The following KDM4C variants were observed in gnomAD, a reference collection of about 807,000 sequenced individuals.
KDM4C encodes the protein lysine-specific demethylase 4C.
A neutral mutation model predicts 129.3 loss-of-function variants in KDM4C; 81 were observed. That is an observed-to-expected ratio of 0.63 (90% CI 0.52 to 0.75). The LOEUF is 0.75. KDM4C is among the 30% of genes least tolerant of loss of function. The pLI, the probability that KDM4C is intolerant of heterozygous loss-of-function variation, is 0.00. For synonymous variants in KDM4C, 573 were observed against 456.1 expected, an observed-to-expected ratio of 1.26 and a Z score of -3.26; for missense variants, 1,457 against 1,304.0, an observed-to-expected ratio of 1.12 and a Z score of -1.81.
chr9:6,856,655 C>A (rs1402542345), intron 5 of KDM4C, among the ~76,000 whole-genome samples: 1 of 151,560 alleles, frequency 6.6e-6, no homozygotes, highest in Non-Finnish European at 1.5e-5. Context: ...TAACTGCAGC[C>A]ACAACCTCCT....
intron 19 of KDM4C, among the ~76,000 whole-genome samples, chr9:7,140,002 C>T (rs867356462): frequency 5.3e-5 from 8 of 152,186 alleles, no homozygotes; most frequent in Non-Finnish European, 1.0e-4. Context: ...ACCACATGGG[C>T]AGCTTCACCT....
intron 1 of KDM4C, among the ~76,000 whole-genome samples, chr9:6,724,836 G>A (rs1184884915): frequency 2.0e-5 from 3 of 152,084 alleles, no homozygotes; most frequent in African/African-American, 7.2e-5. Context: ...GCCTCTGGGT[G>A]TATTACTTTC....
rs59283449 is a variant in KDM4C, at chr9:7,064,062, C to A, written c.2424+14862C>A. On this transcript the variant is annotated intron_variant, in intron 17 of 21. Coordinates refer to ENST00000381309, the MANE Select transcript of KDM4C (RefSeq NM_015061.6). ...GAACTGAATTTCAAATTGTATTTAA[C>A]TTTAAATTTGCTATGTGTAAAATCT... Among the ~76,000 whole-genome samples, 309 of 152,304 alleles carry A rather than the reference C, an allele frequency of 2.0e-3. 3 individuals carry two copies. The highest frequency in any genetic ancestry group is 7.2e-3 in the African/African-American group (298 of 41,566).
At chr9:6,814,999 A>G (rs989995874) in intron 4 of KDM4C, 1 of 302,792 alleles carries the variant, frequency 3.3e-6, no homozygotes, top group Non-Finnish European at 6.0e-6. Flanking sequence ...TTTTCATTAC[A>G]TTAAAACTTT....
At chr9:6,975,627 GA>G (rs1369445539) in intron 8 of KDM4C, among the ~76,000 whole-genome samples, 8 of 152,306 alleles carry the variant, frequency 5.3e-5, no homozygotes, top group African/African-American at 1.9e-4. Flanking sequence ...TAGGCACCTA[GA>G]ATATACTTCT....
chr9:7,026,376 T>C (rs1825822659), intron 15 of KDM4C, among the ~76,000 whole-genome samples: 1 of 152,158 alleles, frequency 6.6e-6, no homozygotes, highest in African/African-American at 2.4e-5. Flanking sequence ...TGTTTTTTTT[T>C]CTTTCAGCAC....
intron 8 of KDM4C, among the ~76,000 whole-genome samples, chr9:6,937,302 A>G (rs1824995629): frequency 6.6e-6 from 1 of 152,298 alleles, no homozygotes; most frequent in South Asian, 2.1e-4. Context: ...AGAAAAAGCA[A>G]ATTAAAATTT....
At chr9:6,723,908 A>G (rs1299643952) in intron 1 of KDM4C, 1 of 152,190 alleles carries the variant, frequency 6.6e-6, no homozygotes, top group African/African-American at 2.4e-5. Context: ...TGCTGAATAT[A>G]TTGTAAGAAC....
intron 2 of KDM4C, 35 bp downstream of exon 2, chr9:6,793,167 T>A (rs1827044965): frequency 6.3e-7 from 1 of 1,592,042 alleles, no homozygotes. Context: ...TGAAAAACAA[T>A]CACTTGGCCT....
At chr9:6,721,535 C>T (rs566085180) in intron 1 of KDM4C, among the ~76,000 whole-genome samples, 14 of 150,594 alleles carry the variant, frequency 9.3e-5, no homozygotes, top group South Asian at 4.2e-4. Flanking sequence ...CTACCCGTCT[C>T]GGCCTCCCAA....
chr9:7,120,185 A>C (rs532464589), intron 18 of KDM4C, among the ~76,000 whole-genome samples: 57 of 151,642 alleles, frequency 3.8e-4, no homozygotes, highest in African/African-American at 1.4e-3. Flanking sequence ...GGATTTTCTC[A>C]ATGCTAACTT....
intron 17 of KDM4C, among the ~76,000 whole-genome samples, chr9:7,061,128 C>G (rs1831602722): frequency 6.6e-6 from 1 of 152,184 alleles, no homozygotes. Context: ...GCTCAATTTG[C>G]TTCGGTCAGT....
chr9:6,797,444 A>G (rs868572273), intron 2 of KDM4C, among the ~76,000 whole-genome samples: 2 of 152,094 alleles, frequency 1.3e-5, no homozygotes, highest in African/African-American at 4.8e-5. Context: ...TAAATTTAAC[A>G]TTTATTTTTT....
intron 12 of KDM4C, among the ~76,000 whole-genome samples, chr9:7,010,625 A>G (rs1393971910): frequency 1.3e-5 from 2 of 152,192 alleles, no homozygotes; most frequent in Admixed American, 1.3e-4. Flanking sequence ...TATTCTGGCC[A>G]CTTGCTCTGA....
intron 8 of KDM4C, among the ~76,000 whole-genome samples, chr9:6,922,136 A>T (rs1440070889): frequency 3.3e-5 from 5 of 152,202 alleles, no homozygotes. Flanking sequence ...TGAATGTATG[A>T]TGACAGAATG....
At chr9:6,866,972 TG>T (rs1327406110) in intron 5 of KDM4C, among the ~76,000 whole-genome samples, 20 of 2,988 alleles carry the variant, frequency 6.7e-3, no homozygotes, top group Non-Finnish European at 0.062. Flanking sequence ...AATATATGTT[TG>T]TGTGTGTGTG....
chr9:6,998,057 C>G (rs533346328), intron 12 of KDM4C, among the ~76,000 whole-genome samples: 33 of 152,284 alleles, frequency 2.2e-4, no homozygotes, highest in African/African-American at 7.7e-4. Context: ...TTTCTCTAAT[C>G]TGAATTTTCC....
rs527419781 is a variant in KDM4C, at chr9:7,097,902, A to G, written c.2425-5783A>G. On this transcript the variant is annotated intron_variant, in intron 17 of 21. Transcript: ENST00000381309. ...AATGGGTGAAAGAATGAATTAATAC[A>G]TTATACGCATTAAGGGAACATTCAT... is the stretch of plus-strand genomic sequence containing the variant. Among the ~76,000 whole-genome samples, 26 of 152,376 alleles carry G rather than the reference A, an allele frequency of 1.7e-4. 1 individual carries two copies. In the South Asian group the frequency reaches 5.0e-3, roughly 29 times the overall value.
At chr9:6,741,676 CTTTTT>C (rs71315557) in intron 1 of KDM4C, among the ~76,000 whole-genome samples, 1 of 94,094 alleles carries the variant, frequency 1.1e-5, no homozygotes, top group African/African-American at 4.2e-5. Context: ...GGTGGCAGCT[CTTTTT>C]TTTTTTTTTT....
Sources: allele counts gnomAD v4.1 joint callset (sites outside exome capture counted in the v4.1 genomes callset), GRCh38; gene constraint gnomAD v4.1.1; transcripts MANE v1.5; gene names NCBI Gene and HGNC (gene_info 2026-07-23, HGNC 2026-07-21).